The following KIAA1217 variants were observed in gnomAD, a reference collection of about 807,000 sequenced individuals.
The protein encoded by KIAA1217 is sickle tail protein homolog.
A neutral mutation model predicts 163.9 loss-of-function variants in KIAA1217; 88 were observed. The ratio of observed to expected loss-of-function variants is 0.54; its 90% CI spans 0.45 to 0.64. KIAA1217 has a LOEUF of 0.64. KIAA1217 is among the 30% of genes least tolerant of loss of function. The probability of loss-of-function intolerance (pLI) is 0.00; values close to 1 mark genes in which losing one functional copy is unlikely to be tolerated. For synonymous variants in KIAA1217, 903 were observed against 923.1 expected (o/e 0.98, Z 0.39); for missense variants, 2,372 against 2,475.0 (o/e 0.96, Z 0.88).
chr10:24,201,766 C>G lies in KIAA1217; in HGVS notation c.-170-17860C>G, dbSNP rs186174391. Among the ~76,000 whole-genome samples, 7 of 151,594 alleles carry G rather than the reference C, an allele frequency of 4.6e-5. No homozygotes were observed. The East Asian group carries it at 1.4e-3, about 30-fold the overall frequency. ...GAAAAATAAAATCACTGTAAAAATA[C>G]TTAACTTCTGAAGCACGTGACTGGC... is the stretch of plus-strand genomic sequence containing the variant. On this transcript the variant is annotated intron_variant, in intron 2 of 18. Coordinates refer to the KIAA1217 transcript ENST00000376462.
chr10:23,755,501 G>T (rs1365312561), intron 1 of KIAA1217, among the ~76,000 whole-genome samples: 1 of 152,176 alleles, frequency 6.6e-6, no homozygotes, highest in Non-Finnish European at 1.5e-5. Context: ...ATTGGTAAGA[G>T]TATATAGAAT....
At chr10:24,476,291 G>T (rs777215750) in intron 6 of KIAA1217, among the ~76,000 whole-genome samples, 77 of 152,054 alleles carry the variant, frequency 5.1e-4, no homozygotes, top group Non-Finnish European at 1.1e-3. Context: ...TTTAGTTATG[G>T]AGAGAATAAA....
chr10:24,436,966 G>C (rs900456157), intron 4 of KIAA1217, among the ~76,000 whole-genome samples: 2 of 152,104 alleles, frequency 1.3e-5, no homozygotes, highest in Non-Finnish European at 2.9e-5. Context: ...ATGCTATGGA[G>C]AGTTCAGGTC....
At chr10:24,026,313 T>C (rs1443984890) in intron 2 of KIAA1217, among the ~76,000 whole-genome samples, 1 of 152,068 alleles carries the variant, frequency 6.6e-6, no homozygotes, top group Middle Eastern at 3.4e-3. Context: ...CCTCTGCTTC[T>C]ATTTTCTGAG....
At chr10:24,299,258 A>C (rs866313769) in intron 2 of KIAA1217, among the ~76,000 whole-genome samples, 3 of 152,156 alleles carry the variant, frequency 2.0e-5, no homozygotes, top group Non-Finnish European at 4.4e-5. Flanking sequence ...GAGCCTAACA[A>C]CCAACTTAGG....
At chr10:24,354,978 A>C (rs2134091259) in intron 2 of KIAA1217, among the ~76,000 whole-genome samples, 1 of 152,358 alleles carries the variant, frequency 6.6e-6, no homozygotes, top group East Asian at 1.9e-4. Context: ...CATTTGTACA[A>C]GAAAACATTT....
chr10:23,831,852 C>T (rs568491999), intron 1 of KIAA1217, among the ~76,000 whole-genome samples: 4 of 152,222 alleles, frequency 2.6e-5, no homozygotes, highest in African/African-American at 9.6e-5. Context: ...CTATTTCTTC[C>T]ACTTCTAAAG....
intron 1 of KIAA1217, among the ~76,000 whole-genome samples, chr10:23,811,360 C>T (rs1397925862): frequency 2.0e-5 from 3 of 148,466 alleles, no homozygotes; most frequent in African/African-American, 4.9e-5. Context: ...ATTATGCATC[C>T]AAATTTTGGG....
At chr10:24,449,633 A>C in intron 5 of KIAA1217, 1 of 985,452 alleles carries the variant, frequency 1.0e-6, no homozygotes, top group Non-Finnish European at 1.2e-6. Flanking sequence ...CCTTCTGTAA[A>C]AAACCCAAGG....
chr10:23,884,322 A>G (rs1432057990), intron 1 of KIAA1217, among the ~76,000 whole-genome samples: 1 of 151,946 alleles, frequency 6.6e-6, no homozygotes, highest in East Asian at 1.9e-4. Flanking sequence ...ATATGGTAAC[A>G]TCCCATTGTT....
chr10:23,805,067 G>T (rs1199048061), intron 1 of KIAA1217, among the ~76,000 whole-genome samples: 1 of 152,146 alleles, frequency 6.6e-6, no homozygotes, highest in East Asian at 1.9e-4. Flanking sequence ...GTATAAATTA[G>T]TTCAAGTATT....
intron 1 of KIAA1217, among the ~76,000 whole-genome samples, chr10:23,711,661 G>A (rs1056902632): frequency 6.6e-6 from 1 of 152,200 alleles, no homozygotes; most frequent in Non-Finnish European, 1.5e-5. Flanking sequence ...AGATACAAAG[G>A]AGAACCTTCT....
At chr10:23,804,637 T>C (rs1306273484) in intron 1 of KIAA1217, among the ~76,000 whole-genome samples, 7 of 152,198 alleles carry the variant, frequency 4.6e-5, no homozygotes, top group Non-Finnish European at 7.3e-5. Context: ...AGTGCTGTGC[T>C]GGAGATATAC....
chr10:23,795,886 C>CCCAAAACA (rs775809058), intron 1 of KIAA1217, among the ~76,000 whole-genome samples: 1 of 152,144 alleles, frequency 6.6e-6, no homozygotes, highest in Non-Finnish European at 1.5e-5. Context: ...TCCATAGGGA[C>CCCAAAACA]CCAAAACACC....
At position 24,089,250 on chromosome 10, in the gene KIAA1217, A is replaced by G. The variant is rs563804549; in HGVS notation, c.-171+81876A>G. 6.3e-4 allele frequency among the ~76,000 whole-genome samples: 78 copies of G among 124,724 alleles called. 12 individuals are homozygous for G. The highest frequency in any genetic ancestry group is 1.8e-3 in the African/African-American group (72 of 39,924). 81.8% of individuals were successfully genotyped at this position (124,724 alleles called of 152,430 possible). A position where few individuals can be genotyped will look rare whatever the true frequency, so the allele number is the denominator to read the frequency against. On this transcript the variant is annotated intron_variant, in intron 2 of 18. Transcript: ENST00000376462. ...TTTTCTCCCATTCTGTAAGTTGCCT[A>G]TTCACTCTGATGGTAGTTTCTTTTG...
chr10:23,863,701 T>C (rs1488405534), intron 1 of KIAA1217, among the ~76,000 whole-genome samples: 1 of 152,166 alleles, frequency 6.6e-6, no homozygotes, highest in Non-Finnish European at 1.5e-5. Flanking sequence ...TGGACTTAGG[T>C]ACTATCTAAA....
At chr10:23,954,692 G>A (rs1371061873) in intron 1 of KIAA1217, among the ~76,000 whole-genome samples, 2 of 152,116 alleles carry the variant, frequency 1.3e-5, no homozygotes, top group African/African-American at 2.4e-5. Context: ...AAACTAACAT[G>A]TAGATTATCT....
intron 1 of KIAA1217, among the ~76,000 whole-genome samples, chr10:23,882,374 G>A (rs1039566013): frequency 2.0e-5 from 3 of 151,892 alleles, no homozygotes; most frequent in South Asian, 4.1e-4. Flanking sequence ...AGAAGGGACT[G>A]CATAGACACT....
chr10:23,951,594 T>C (rs1844338504), intron 1 of KIAA1217, among the ~76,000 whole-genome samples: 1 of 152,068 alleles, frequency 6.6e-6, no homozygotes, highest in African/African-American at 2.4e-5. Flanking sequence ...TGGAAGCTGC[T>C]GTGAGCCATG....
Sources: allele counts gnomAD v4.1 joint callset (sites outside exome capture counted in the v4.1 genomes callset), GRCh38; gene constraint gnomAD v4.1.1; transcripts MANE v1.5; gene names NCBI Gene and HGNC (gene_info 2026-07-23, HGNC 2026-07-21).